The following L3MBTL4 variants were observed in gnomAD, a reference collection of about 807,000 sequenced individuals.
L3MBTL4 encodes lethal(3)malignant brain tumor-like protein 4.
A neutral mutation model predicts 84.5 loss-of-function variants in L3MBTL4; 70 were observed. The ratio of observed to expected loss-of-function variants is 0.83; its 90% CI spans 0.68 to 1.01. The LOEUF (loss-of-function observed/expected upper bound fraction) is 1.01, where lower values mean the gene tolerates loss of function less well. Ranked by LOEUF, L3MBTL4 falls within the 50% of genes least tolerant of loss-of-function variation. The probability of loss-of-function intolerance (pLI) is 0.00; values close to 1 mark genes in which losing one functional copy is unlikely to be tolerated. For synonymous variants in L3MBTL4, 274 were observed against 259.8 expected (o/e 1.05, Z -0.52); for missense variants, 715 against 754.8 (o/e 0.95, Z 0.62).
chr18:6,345,215 C>T (rs905016641), intron 1 of L3MBTL4, among the ~76,000 whole-genome samples: 1 of 38,498 alleles, frequency 2.6e-5, no homozygotes, highest in Non-Finnish European at 4.9e-5. Flanking sequence ...TACTAAAATA[C>T]AAAAAAAAAA....
At chr18:6,195,050 C>A (rs2045313086) in intron 12 of L3MBTL4, among the ~76,000 whole-genome samples, 1 of 152,142 alleles carries the variant, frequency 6.6e-6, no homozygotes, top group Admixed American at 6.5e-5. Flanking sequence ...ACCAAATTTG[C>A]CCATAAGTGT....
intron 14 of L3MBTL4, among the ~76,000 whole-genome samples, chr18:6,135,319 C>A (rs930082758): frequency 2.0e-5 from 3 of 152,152 alleles, no homozygotes; most frequent in African/African-American, 7.2e-5. Context: ...ACATTTTCCC[C>A]ATGGTCTTGG....
intron 14 of L3MBTL4, among the ~76,000 whole-genome samples, chr18:6,109,411 A>C (rs73938738): frequency 9.2e-5 from 14 of 152,208 alleles, no homozygotes; most frequent in African/African-American, 3.1e-4. Context: ...TTTCTAGGAT[A>C]ATCAACTCCA....
rs970212798 is a variant in L3MBTL4 at position 6,070,090 on chromosome 18, G to A, written c.1444+10791C>T. Reference sequence around the variant, plus strand: ...ATAACTAAGAAAGTCTAATATATTCGCAGATGGAGTCTCAATAGGGGAAAT... The same window carrying A: ...ATAACTAAGAAAGTCTAATATATTCACAGATGGAGTCTCAATAGGGGAAAT... On this transcript the variant is annotated intron_variant, in intron 16 of 18. Transcript: ENST00000317931. Among the ~76,000 whole-genome samples, 10 of 151,942 alleles carry A rather than the reference G, an allele frequency of 6.6e-5. No individual in the cohort carries two copies. The South Asian group carries it at 1.0e-3, about 16-fold the overall frequency.
chr18:5,963,148 T>G (rs1427985347), intron 17 of L3MBTL4, among the ~76,000 whole-genome samples: 1 of 152,196 alleles, frequency 6.6e-6, no homozygotes, highest in Non-Finnish European at 1.5e-5. Context: ...GAAAGCCAAG[T>G]CAGCACAGGG....
chr18:6,048,718 G>A (rs1028271008), intron 16 of L3MBTL4, among the ~76,000 whole-genome samples: 2 of 151,706 alleles, frequency 1.3e-5, no homozygotes, highest in Non-Finnish European at 2.9e-5. Context: ...GAACCCGGGA[G>A]GCGGAGGCTG....
intron 15 of L3MBTL4, 151 bp from the exon 16 acceptor site, chr18:6,081,102 GT>G (rs2058062852): frequency 5.9e-6 from 3 of 512,108 alleles, no homozygotes; most frequent in Non-Finnish European, 1.0e-5. Flanking sequence ...AGAATTTTAA[GT>G]TTAAGATTTT....
At chr18:5,972,683 C>G (rs927938742) in intron 16 of L3MBTL4, among the ~76,000 whole-genome samples, 1 of 151,898 alleles carries the variant, frequency 6.6e-6, no homozygotes, top group Admixed American at 6.6e-5. Context: ...GATTTTGGGG[C>G]GGGATAGTCA....
chr18:6,056,803 T>C (rs971514473), intron 16 of L3MBTL4, among the ~76,000 whole-genome samples: 7 of 152,182 alleles, frequency 4.6e-5, no homozygotes, highest in African/African-American at 1.7e-4. Flanking sequence ...TCTGTCATTA[T>C]TGAGCTGTGT....
chr18:6,293,729 G>A (rs1271314080), intron 4 of L3MBTL4, among the ~76,000 whole-genome samples: 4 of 152,158 alleles, frequency 2.6e-5, no homozygotes, highest in Non-Finnish European at 5.9e-5. Flanking sequence ...CAGTGGCGAC[G>A]GAAGCATCCC....
intron 5 of L3MBTL4, among the ~76,000 whole-genome samples, chr18:6,258,089 C>T (rs1308095581): frequency 6.6e-6 from 1 of 152,186 alleles, no homozygotes; most frequent in African/African-American, 2.4e-5. Flanking sequence ...GACACTTCTT[C>T]CAGGACCACA....
intron 4 of L3MBTL4, 81 bp downstream of exon 4, chr18:6,301,822 A>C (rs1416782156): frequency 9.8e-7 from 1 of 1,020,362 alleles, no homozygotes; most frequent in Non-Finnish European, 1.6e-6. Flanking sequence ...TAATAAACCT[A>C]AAACAACTAA....
chr18:6,346,129 T>C (rs1327917718), intron 1 of L3MBTL4, among the ~76,000 whole-genome samples: 1 of 146,732 alleles, frequency 6.8e-6, no homozygotes, highest in Non-Finnish European at 1.5e-5. Context: ...TATATATATA[T>C]ATATGGATGT....
At chr18:6,123,172 C>G (rs1026100974) in intron 14 of L3MBTL4, among the ~76,000 whole-genome samples, 1 of 152,098 alleles carries the variant, frequency 6.6e-6, no homozygotes, top group African/African-American at 2.4e-5. Flanking sequence ...GAATATAGAT[C>G]CTGGACTCAT....
At chr18:6,405,757 C>G (rs1286985053) in intron 1 of L3MBTL4, among the ~76,000 whole-genome samples, 3 of 152,208 alleles carry the variant, frequency 2.0e-5, no homozygotes, top group Admixed American at 2.0e-4. Flanking sequence ...GTGCCTCCTG[C>G]CAGCACCCAT....
intron 16 of L3MBTL4, among the ~76,000 whole-genome samples, chr18:5,983,138 T>A (rs2053312388): frequency 6.6e-6 from 1 of 152,210 alleles, no homozygotes; most frequent in African/African-American, 2.4e-5. Flanking sequence ...GGCCTTCGTT[T>A]CCAGCATGAA....
At chr18:6,265,602 A>C (rs968756244) in intron 4 of L3MBTL4, among the ~76,000 whole-genome samples, 4 of 152,254 alleles carry the variant, frequency 2.6e-5, no homozygotes, top group African/African-American at 9.6e-5. Flanking sequence ...ATCTGGGTTA[A>C]GTAAAAAAAC....
chr18:6,321,880 C>A (rs933593446), intron 1 of L3MBTL4, among the ~76,000 whole-genome samples: 12 of 151,940 alleles, frequency 7.9e-5, no homozygotes, highest in African/African-American at 2.9e-4. Flanking sequence ...GTATAATGAC[C>A]TTTGGAGACT....
At chr18:6,329,311 G>A (rs1483016259) in intron 1 of L3MBTL4, among the ~76,000 whole-genome samples, 1 of 151,326 alleles carries the variant, frequency 6.6e-6, no homozygotes, top group Admixed American at 6.6e-5. Flanking sequence ...TCACCACCAC[G>A]CCCGGCTAAT....
Sources: gnomAD v4.1 joint callset for allele counts (sites outside exome capture counted in the v4.1 genomes callset) on GRCh38, gnomAD v4.1.1 for gene constraint, MANE v1.5 for transcripts, NCBI Gene and HGNC (gene_info 2026-07-23, HGNC 2026-07-21) for gene names.